The following FAM241A variants were observed in gnomAD, a reference collection of about 807,000 sequenced individuals.
FAM241A encodes family with sequence similarity 241 member A, also known as uncharacterized protein FAM241A.
FAM241A carries 7 observed loss-of-function variants against 12.2 expected under a neutral mutation model. The observed-to-expected ratio is 0.58, with a 90% CI of 0.33 to 1.08. The LOEUF is 1.08. FAM241A is among the 50% of genes least tolerant of loss of function. The pLI, the probability that FAM241A is intolerant of heterozygous loss-of-function variation, is 0.04. For synonymous variants in FAM241A, 74 were observed against 68.2 expected, an observed-to-expected ratio of 1.08 and a Z score of -0.42; for missense variants, 161 against 169.7, an observed-to-expected ratio of 0.95 and a Z score of 0.29.
intron 1 of FAM241A, among the ~76,000 whole-genome samples, chr4:112,169,837 C>T (rs1723680265): frequency 6.6e-6 from 1 of 152,150 alleles, no homozygotes; most frequent in Admixed American, 6.5e-5. Context: ...TTTTAAAATT[C>T]TGCTTCTTTC....
chr4:112,151,580 T>C (rs1039242927), intron 1 of FAM241A, among the ~76,000 whole-genome samples: 3 of 152,206 alleles, frequency 2.0e-5, no homozygotes, highest in Non-Finnish European at 4.4e-5. Context: ...AACTCCTAAG[T>C]GATGCTGATG....
chr4:112,180,020 TAA>T (rs33967364), intron 1 of FAM241A, among the ~76,000 whole-genome samples: 6 of 145,562 alleles, frequency 4.1e-5, no homozygotes, highest in East Asian at 2.0e-4. Flanking sequence ...TGCACAGCCC[TAA>T]AAAAAAAACA....
intron 1 of FAM241A, chr4:112,171,631 G>A (rs930452295): frequency 6.0e-5 from 32 of 529,930 alleles, no homozygotes; most frequent in African/African-American, 4.1e-4. Context: ...AGGCCGAGGC[G>A]GGCGAATCAC....
At position 112,186,984 on chromosome 4, in the gene FAM241A, A is replaced by G; in HGVS notation, c.*46A>G. 3.2e-6 allele frequency: 5 copies of G among 1,571,478 alleles called. No homozygotes were observed. The highest frequency in any genetic ancestry group is 4.3e-6 in the Non-Finnish European group (5 of 1,159,128). ...TTTGACATTTGGTAGCCATATATGT[A>G]ATTGAAGAAGTTATATATTTCACTT... is the stretch of plus-strand genomic sequence containing the variant. On this transcript the variant is annotated 3_prime_UTR_variant, in exon 2 of 2. Coordinates refer to ENST00000309733, the MANE Select transcript of FAM241A (RefSeq NM_152400.3).
intron 1 of FAM241A, among the ~76,000 whole-genome samples, chr4:112,158,697 AT>A (rs1236074246): frequency 6.6e-6 from 1 of 151,944 alleles, no homozygotes; most frequent in Non-Finnish European, 1.5e-5. Flanking sequence ...TGTTATTCTT[AT>A]TTTTTCATTG....
At chr4:112,157,847 A>G (rs188934790) in intron 1 of FAM241A, among the ~76,000 whole-genome samples, 62 of 152,228 alleles carry the variant, frequency 4.1e-4, no homozygotes, top group African/African-American at 1.5e-3. Flanking sequence ...TCATCCTAGC[A>G]TATTTTCTCT....
rs1724061299 is a variant in FAM241A, at chr4:112,186,981, TG to T, written c.*44del. On this transcript the variant is annotated 3_prime_UTR_variant, in exon 2 of 2. Coordinates refer to ENST00000309733, the MANE Select transcript of FAM241A (RefSeq NM_152400.3). ...TTGTTTGACATTTGGTAGCCATATA[TG>T]TAATTGAAGAAGTTATATATTTCAC... The T allele has an allele frequency of 1.9e-6, 3 of 1,577,400 alleles. No homozygotes were observed. Among genetic ancestry groups the T allele is most frequent in the Non-Finnish European group, 2.6e-6 (3 of 1,161,926 alleles).
intron 1 of FAM241A, among the ~76,000 whole-genome samples, chr4:112,169,733 T>C (rs1723678092): frequency 6.6e-6 from 1 of 152,350 alleles, no homozygotes; most frequent in African/African-American, 2.4e-5. Context: ...AACGTAGCTA[T>C]GAATTCGTAG....
rs1723112480 is a variant in FAM241A at position 112,145,474 on chromosome 4, C to T, written c.-107C>T. On this transcript the variant is annotated 5_prime_UTR_variant, in exon 1 of 2. Transcript: ENST00000309733. The stretch of plus-strand genomic sequence containing the variant: ...GGCGCGCTCCGGCGGCTCCTGTCAG[C>T]GGCGGGTGCGGCGGATCCCAGGGCA... The T allele has an allele frequency of 9.1e-7, 1 of 1,102,128 alleles. No individual in the cohort carries two copies. The highest frequency in any genetic ancestry group is 1.1e-6 in the Non-Finnish European group (1 of 881,490). 68.3% of individuals were successfully genotyped at this position (1,102,128 alleles called of 1,614,324 possible).
intron 1 of FAM241A, among the ~76,000 whole-genome samples, chr4:112,150,551 T>C (rs1723227303): frequency 6.6e-6 from 1 of 152,174 alleles, no homozygotes; most frequent in Admixed American, 6.5e-5. Flanking sequence ...TGCTGGCTCA[T>C]AGATAAATGT....
rs537481923 is a variant in FAM241A, at chr4:112,174,426, G to A, written c.154-12267G>A. Reference sequence around the variant, plus strand: ...CCCAGCACTTTGGGTGGCTGAAGCCGGTGAGTGAAGAGCTCCATAGATTTC... The same window carrying A: ...CCCAGCACTTTGGGTGGCTGAAGCCAGTGAGTGAAGAGCTCCATAGATTTC... On this transcript the variant is annotated intron_variant, in intron 1 of 1. Transcript: ENST00000309733. Among the ~76,000 whole-genome samples the A allele has an allele frequency of 9.2e-5, 14 of 152,318 alleles. No homozygotes were observed. The East Asian group carries it at 1.5e-3, about 17-fold the overall frequency.
intron 1 of FAM241A, among the ~76,000 whole-genome samples, chr4:112,161,580 G>A (rs1227352397): frequency 6.6e-6 from 1 of 152,046 alleles, no homozygotes; most frequent in African/African-American, 2.4e-5. Flanking sequence ...TAAATTCCTG[G>A]ACACATACAC....
intron 1 of FAM241A, among the ~76,000 whole-genome samples, chr4:112,182,004 A>C (rs886916700): frequency 1.3e-5 from 2 of 152,214 alleles, no homozygotes; most frequent in African/African-American, 4.8e-5. Flanking sequence ...GGAATAGTCA[A>C]GAGATCTTAG....
At position 112,152,634 on chromosome 4, in the gene FAM241A, G is replaced by A. The variant is rs563779640; in HGVS notation, c.153+6901G>A. ...CTCCTTTCTGTCTCTGTTGAGTCTC[G>A]TTCTCTCATGTGTTTTTTCCCTCCC... is the stretch of plus-strand genomic sequence containing the variant. On this transcript the variant is annotated intron_variant, in intron 1 of 1. Transcript: ENST00000309733. Among the ~76,000 whole-genome samples the A allele has an allele frequency of 7.9e-5, 12 of 151,760 alleles. No individual in the cohort carries two copies. In the South Asian group the frequency reaches 1.0e-3, roughly 13 times the overall value.
At chr4:112,148,405 G>C (rs893695329) in intron 1 of FAM241A, among the ~76,000 whole-genome samples, 2 of 152,024 alleles carry the variant, frequency 1.3e-5, no homozygotes, top group African/African-American at 4.8e-5. Flanking sequence ...TACTAGTTAA[G>C]ATATTGTCTG....
Position 112,190,895 on chromosome 4 carries a change from C to G in FAM241A, c.*3957C>G, listed in dbSNP as rs765995270. 1.3e-5 allele frequency: 2 copies of G among 152,220 alleles called. No individual in the cohort carries two copies. Among genetic ancestry groups the G allele is most frequent in the Non-Finnish European group, 2.9e-5 (2 of 68,082 alleles). 9.4% of individuals were successfully genotyped at this position (152,220 alleles called of 1,614,324 possible). On this transcript the variant is annotated 3_prime_UTR_variant, in exon 2 of 2. Coordinates refer to ENST00000309733, the MANE Select transcript of FAM241A (RefSeq NM_152400.3). The stretch of plus-strand genomic sequence containing the variant: ...CCTGCTCTCACATCACTCCACACAG[C>G]AGCTCGGCAATGTCACCACTCCCGT...
chr4:112,156,726 GTCT>G (rs1026429506), intron 1 of FAM241A, among the ~76,000 whole-genome samples: 1 of 152,156 alleles, frequency 6.6e-6, no homozygotes, highest in African/African-American at 2.4e-5. Flanking sequence ...ACAGGAACAT[GTCT>G]TCTTATCAGA....
rs935864523 is a variant in FAM241A, at chr4:112,188,454, T to G, written c.*1516T>G. 1 of 152,208 alleles carries G rather than the reference T, an allele frequency of 6.6e-6. No homozygotes were observed. Among genetic ancestry groups the G allele is most frequent in the Non-Finnish European group, 1.5e-5 (1 of 68,008 alleles). The allele number at this position is 152,208 out of a possible 1,614,324, so 9.4% of individuals were successfully genotyped here. A position where few individuals can be genotyped will look rare whatever the true frequency, so the allele number is the denominator to read the frequency against. ...AAACAAAAATGTTAGTCAGGGTCAC[T>G]AAAAAGTATTGCACATTTATATAAA... On this transcript the variant is annotated 3_prime_UTR_variant, in exon 2 of 2. Transcript: ENST00000309733.
At chr4:112,164,463 G>A (rs1360501929) in intron 1 of FAM241A, among the ~76,000 whole-genome samples, 1 of 150,364 alleles carries the variant, frequency 6.7e-6, no homozygotes, top group East Asian at 2.0e-4. Context: ...GTGGGGAAGA[G>A]GGGAGGGATA....
Sources: gnomAD v4.1 joint callset for allele counts (sites outside exome capture counted in the v4.1 genomes callset) on GRCh38, gnomAD v4.1.1 for gene constraint, MANE v1.5 for transcripts, NCBI Gene and HGNC (gene_info 2026-07-23, HGNC 2026-07-21) for gene names.